NFATC2: variants seen among roughly 807,000 people sequenced by gnomAD.
NFATC2 encodes nuclear factor of activated T-cells, cytoplasmic 2.
NFATC2 carries 22 observed loss-of-function variants against 87.3 expected under a neutral mutation model. The observed-to-expected ratio is 0.25, with a 90% CI of 0.18 to 0.36. The LOEUF is 0.36. Ranked by LOEUF, NFATC2 falls within the 10% of genes least tolerant of loss-of-function variation. The probability of loss-of-function intolerance (pLI) is 1.00; values close to 1 mark genes in which losing one functional copy is unlikely to be tolerated. For missense variants in NFATC2, 1,149 were observed against 1,259.1 expected (o/e 0.91, Z 1.32); for synonymous variants, 565 against 542.2 (o/e 1.04, Z -0.58).
intron 3 of NFATC2, among the ~76,000 whole-genome samples, chr20:51,503,775 C>G (rs1171808051): frequency 6.6e-6 from 1 of 152,284 alleles, no homozygotes; most frequent in African/African-American, 2.4e-5. Context: ...AGGGTAGATA[C>G]CAATGGATGA....
intron 1 of NFATC2, among the ~76,000 whole-genome samples, chr20:51,549,536 G>A (rs908335994): frequency 6.6e-6 from 1 of 152,208 alleles, no homozygotes; most frequent in Admixed American, 6.5e-5. Flanking sequence ...AGACATAAAT[G>A]TCTGACCAAG....
At chr20:51,545,636 T>A (rs1408380860), upstream of NFATC2, among the ~76,000 whole-genome samples, 2 of 151,796 alleles carry the variant, frequency 1.3e-5, 1 homozygote, top group South Asian at 4.2e-4. Flanking sequence ...GGATAGGGGA[T>A]GGATTGATGG....
At chr20:51,465,654 G>A (rs2146477822) in intron 5 of NFATC2, among the ~76,000 whole-genome samples, 1 of 152,172 alleles carries the variant, frequency 6.6e-6, no homozygotes, top group African/African-American at 2.4e-5. Flanking sequence ...CATCCTCACA[G>A]GGGCCTTCCC....
At chr20:51,429,911 G>A (rs905965210) in intron 9 of NFATC2, among the ~76,000 whole-genome samples, 9 of 151,874 alleles carry the variant, frequency 5.9e-5, no homozygotes, top group Admixed American at 4.6e-4. Flanking sequence ...TGGACCTAGC[G>A]GGACTCCCCC....
At chr20:51,540,647 G>GTTTTTTTTGTTTTTTTTTTTTT (rs2076793590) in intron 1 of NFATC2, among the ~76,000 whole-genome samples, 1 of 112,974 alleles carries the variant, frequency 8.9e-6, no homozygotes, top group African/African-American at 4.4e-5. Flanking sequence ...AAAAACTGAA[G>GTTTTTTTTGTTTTTTTTTTTTT]TTTTTTTTTT....
At chr20:51,407,149 T>A (rs935422760) in intron 9 of NFATC2, among the ~76,000 whole-genome samples, 2 of 152,206 alleles carry the variant, frequency 1.3e-5, no homozygotes, top group African/African-American at 4.8e-5. Context: ...CTACTTGGAC[T>A]GCTGCTCTTG....
At chr20:51,428,720 AG>A (rs1982241111) in intron 9 of NFATC2, among the ~76,000 whole-genome samples, 1 of 152,138 alleles carries the variant, frequency 6.6e-6, no homozygotes, top group Non-Finnish European at 1.5e-5. Context: ...CGGGGGAGGG[AG>A]GACCTGTGTG....
chr20:51,541,283 G>A (rs1400841144), intron 1 of NFATC2, among the ~76,000 whole-genome samples: 2 of 152,040 alleles, frequency 1.3e-5, no homozygotes, highest in African/African-American at 2.4e-5. Flanking sequence ...CCCAGAGTGC[G>A]TCTGGAAGCT....
At chr20:51,526,333 C>G (rs751882556) in intron 1 of NFATC2, among the ~76,000 whole-genome samples, 1 of 152,154 alleles carries the variant, frequency 6.6e-6, no homozygotes, top group Non-Finnish European at 1.5e-5. Context: ...GTGAACAAAG[C>G]AAGCTACAGC....
rs139115661 is a variant in NFATC2 at position 51,527,584 on chromosome 20, GC to G, written c.131-3475del. Among the ~76,000 whole-genome samples the G allele has an allele frequency of 3.4e-3, 515 of 152,282 alleles. 4 individuals carry two copies. Among genetic ancestry groups the G allele is most frequent in the African/African-American group, 0.012 (485 of 41,554 alleles). ...GCCCCTAAGCACTTGGAATGGTCCT[GC>G]CACTAAACAGGCCCTCAGAAAGGAT... On this transcript the variant is annotated intron_variant, in intron 1 of 10. Transcript: ENST00000371564.
intron 2 of NFATC2, 92 bp downstream of exon 2, chr20:51,522,989 C>G (rs2076473348): frequency 8.4e-6 from 13 of 1,542,112 alleles, no homozygotes; most frequent in Non-Finnish European, 1.1e-5. Context: ...TAAAGTCAGT[C>G]TTAAACCTGA....
chr20:51,398,195 C>T (rs1382330299), intron 10 of NFATC2, among the ~76,000 whole-genome samples: 5 of 152,136 alleles, frequency 3.3e-5, no homozygotes, highest in African/African-American at 4.8e-5. Context: ...TGGAAATGAC[C>T]TAAGCACAGG....
chr20:51,551,919 C>G (rs554896137), intron 1 of NFATC2, among the ~76,000 whole-genome samples: 1 of 151,508 alleles, frequency 6.6e-6, no homozygotes, highest in African/African-American at 2.4e-5. Flanking sequence ...CCCAGCTACT[C>G]GGGAGGCTGA....
chr20:51,456,462 A>G (rs1379275784), intron 5 of NFATC2, among the ~76,000 whole-genome samples: 3 of 152,176 alleles, frequency 2.0e-5, no homozygotes, highest in South Asian at 2.1e-4. Context: ...CCAGCGCCCA[A>G]TCTCTTAGGT....
chr20:51,516,351 T>G (rs758224415), intron 3 of NFATC2, among the ~76,000 whole-genome samples: 1 of 152,230 alleles, frequency 6.6e-6, no homozygotes, highest in Non-Finnish European at 1.5e-5. Context: ...AAAATACTAA[T>G]ATAGCTATTT....
chr20:51,503,503 T>A (rs2076124932), intron 3 of NFATC2, among the ~76,000 whole-genome samples: 1 of 152,140 alleles, frequency 6.6e-6, no homozygotes, highest in Non-Finnish European at 1.5e-5. Flanking sequence ...TGTACCACCA[T>A]TTGCACTGGG....
In NFATC2 at chr20:51,457,493, C is replaced by T. The variant is rs374673531; in HGVS notation, c.1709-2805G>A. On this transcript the variant is annotated intron_variant, in intron 5 of 10. Transcript: ENST00000371564. ...GCTCCTCTCTTTCCTGCGGCAGCCT[C>T]GTTGCTTCCCCCTTCAAAGCCTCAT... is the stretch of plus-strand genomic sequence containing the variant. 6.6e-5 allele frequency among the ~76,000 whole-genome samples: 10 copies of T among 152,188 alleles called. No homozygotes were observed. The East Asian group carries it at 1.7e-3, about 26-fold the overall frequency.
chr20:51,561,464 AAAGAAAGAAAGAAAGAAAGAAAGC>A (rs1568765738), intron 1 of NFATC2, among the ~76,000 whole-genome samples: 16 of 134,486 alleles, frequency 1.2e-4, no homozygotes, highest in Admixed American at 4.7e-4. Flanking sequence ...AGAAAGAAAG[AAAGAAAGAAAGAAAGAAAGAAAGC>A]AAGCAAGCAA....
chr20:51,505,171 G>A (rs914562131), intron 3 of NFATC2, among the ~76,000 whole-genome samples: 2 of 151,570 alleles, frequency 1.3e-5, no homozygotes, highest in Non-Finnish European at 1.5e-5. Flanking sequence ...CCGCCACCAT[G>A]CCTGGCTAAT....
Sources: gnomAD v4.1 joint callset for allele counts (sites outside exome capture counted in the v4.1 genomes callset) on GRCh38, gnomAD v4.1.1 for gene constraint, MANE v1.5 for transcripts, NCBI Gene and HGNC (gene_info 2026-07-23, HGNC 2026-07-21) for gene names.